ZPLD1: variants seen among roughly 807,000 people sequenced by gnomAD.
ZPLD1 encodes the protein zona pellucida like domain containing 1, also known as zona pellucida-like domain-containing protein 1.
In ZPLD1, 34 loss-of-function variants were observed where a neutral mutation model predicts 47.2. The observed-to-expected ratio is 0.72, with a 90% CI of 0.55 to 0.96. The LOEUF (loss-of-function observed/expected upper bound fraction) is 0.96, where lower values mean the gene tolerates loss of function less well. Ranked by LOEUF, ZPLD1 falls within the 40% of genes least tolerant of loss-of-function variation. The pLI, the probability that ZPLD1 is intolerant of heterozygous loss-of-function variation, is 0.00. For missense variants in ZPLD1, 512 were observed against 505.8 expected (o/e 1.01, Z -0.12); for synonymous variants, 176 against 186.2 (o/e 0.95, Z 0.45).
At chr3:102,417,057 C>T (rs529447408) in intron 7 of ZPLD1, among the ~76,000 whole-genome samples, 75 of 151,968 alleles carry the variant, frequency 4.9e-4, no homozygotes, top group African/African-American at 1.4e-3. Context: ...AATCTCAGTT[C>T]GCAGTAACCA....
intron 7 of ZPLD1, 30 bp downstream of exon 7, chr3:102,462,408 T>A (rs1375596383): frequency 2.0e-6 from 3 of 1,490,916 alleles, no homozygotes; most frequent in African/African-American, 1.4e-5. Context: ...TTTTTTAGGT[T>A]AAAACTCTTT....
chr3:102,476,699 A>C (rs1424351562), intron 10 of ZPLD1, among the ~76,000 whole-genome samples: 1 of 152,162 alleles, frequency 6.6e-6, no homozygotes, highest in African/African-American at 2.4e-5. Flanking sequence ...GCTAATGATG[A>C]AACAAAGTTG....
At position 102,477,473 on chromosome 3, in the gene ZPLD1, A is replaced by ACTGG; in HGVS notation, c.1104_1105insTGGC (p.Ala369TrpfsTer48). On this transcript the variant is annotated frameshift_variant, in exon 12 of 12. Transcript: ENST00000466937. LOFTEE classifies it high-confidence loss of function. ...CCAAGTATGCCTCCCTTCCAGCTGA[A>ACTGG]CGCCATCACCAGCGCACTGATATCA... 1 of 1,613,176 alleles carries ACTGG rather than the reference A, an allele frequency of 6.2e-7. No homozygotes were observed. The highest frequency in any genetic ancestry group is 8.5e-7 in the Non-Finnish European group (1 of 1,179,570).
rs144244933 is a variant in ZPLD1 at position 102,477,666 on chromosome 3, T to C, written c.*48T>C. On this transcript the variant is annotated 3_prime_UTR_variant, in exon 12 of 12. Coordinates refer to ENST00000466937, the MANE Select transcript of ZPLD1 (RefSeq NM_001329788.2). ...GGAGAAGGCTTCACTGACTAAACTA[T>C]GTGTGACTGCAGTCAGTGTTCCGTC... 1.5e-3 allele frequency: 2,259 copies of C among 1,498,224 alleles called. 34 individuals are homozygous for C. In the African/African-American group the frequency reaches 0.029, roughly 19 times the overall value. The allele number at this position is 1,498,224 out of a possible 1,614,324, so 92.8% of individuals were successfully genotyped here. A position where few individuals can be genotyped will look rare whatever the true frequency, so the allele number is the denominator to read the frequency against.
At chr3:102,476,531 G>A (rs1309386773) in intron 10 of ZPLD1, among the ~76,000 whole-genome samples, 3 of 152,094 alleles carry the variant, frequency 2.0e-5, no homozygotes, top group African/African-American at 7.2e-5. Flanking sequence ...TTAAAATGAT[G>A]TGTTTGCAGA....
intron 9 of ZPLD1, among the ~76,000 whole-genome samples, chr3:102,469,532 C>T (rs1366200641): frequency 1.3e-5 from 2 of 152,178 alleles, no homozygotes; most frequent in Non-Finnish European, 2.9e-5. Flanking sequence ...CCAGCTGTTA[C>T]TTCGAAGAGG....
rs138954799 is a variant in ZPLD1 at position 102,468,987 on chromosome 3, C to A, written c.785C>A (p.Thr262Asn). The A allele has an allele frequency of 5.0e-6, 8 of 1,613,794 alleles. No individual in the cohort carries two copies. Among genetic ancestry groups the A allele is most frequent in the Non-Finnish European group, 6.8e-6 (8 of 1,179,848 alleles). ...AGCTGTGACAAGGACCCTCAGACCA[C>A]CGTCATTGAGAATGGCCGAAGCCAG... ...FLSCDKDPQT[T>N]VIENGRSQRG... Residue 262 changes from threonine to asparagine, a missense_variant, in exon 9 of 12, where the codon ACC becomes AAC. By Grantham distance (65) the Thr-to-Asn change is moderately conservative (BLOSUM62 0). Coordinates refer to ENST00000466937, the MANE Select transcript of ZPLD1 (RefSeq NM_001329788.2).
chr3:102,398,138 T>A (rs1390077382), intron 7 of ZPLD1, among the ~76,000 whole-genome samples: 9 of 152,034 alleles, frequency 5.9e-5, no homozygotes, highest in Non-Finnish European at 1.0e-4. Flanking sequence ...TTAGAAAAAA[T>A]TGAAAATTAA....
intron 7 of ZPLD1, among the ~76,000 whole-genome samples, chr3:102,400,313 A>C (rs1025277094): frequency 3.9e-5 from 6 of 151,988 alleles, no homozygotes; most frequent in South Asian, 2.1e-4. Context: ...TTATGTAGGA[A>C]ATTTTATGTT....
At chr3:102,446,535 T>C (rs762013972) in intron 3 of ZPLD1, among the ~76,000 whole-genome samples, 2 of 152,164 alleles carry the variant, frequency 1.3e-5, no homozygotes, top group Non-Finnish European at 2.9e-5. Flanking sequence ...ATGTCTCATA[T>C]GTAACTCAGC....
intron 3 of ZPLD1, among the ~76,000 whole-genome samples, chr3:102,440,279 A>G (rs1391443040): frequency 6.6e-6 from 1 of 152,204 alleles, no homozygotes; most frequent in Non-Finnish European, 1.5e-5. Flanking sequence ...AAGTTAGAAT[A>G]GACTAGAGGC....
chr3:102,449,392 C>A (rs62272482), intron 3 of ZPLD1, among the ~76,000 whole-genome samples: 18,663 of 152,262 alleles, frequency 0.12, 1,281 homozygotes, highest in Middle Eastern at 0.18. Flanking sequence ...CCTTTATCTG[C>A]AGTTTCATTT....
intron 10 of ZPLD1, among the ~76,000 whole-genome samples, chr3:102,473,785 T>C (rs1707719036): frequency 6.6e-6 from 1 of 152,186 alleles, no homozygotes; most frequent in Admixed American, 6.5e-5. Flanking sequence ...GCAAATCCTG[T>C]GCAAACTTCA....
Position 102,436,987 on chromosome 3 carries a change from A to G in ZPLD1, c.-9+14A>G, listed in dbSNP as rs923051862. Reference sequence around the variant, plus strand: ...CATGGAATAAATGTGGGTGCAGTGGAGTGTATTGCTTATTCAGGCTTCTTT... The same window carrying G: ...CATGGAATAAATGTGGGTGCAGTGGGGTGTATTGCTTATTCAGGCTTCTTT... On this transcript the variant is annotated intron_variant, in intron 2 of 11. Transcript: ENST00000466937. 2.4e-5 allele frequency: 23 copies of G among 958,960 alleles called. No individual in the cohort carries two copies. The highest frequency in any genetic ancestry group is 2.9e-5 in the Non-Finnish European group (23 of 805,746). 59.4% of individuals were successfully genotyped at this position (958,960 alleles called of 1,614,324 possible). A position where few individuals can be genotyped will look rare whatever the true frequency, so the allele number is the denominator to read the frequency against.
chr3:102,456,917 A>T (rs1408556379), intron 5 of ZPLD1, among the ~76,000 whole-genome samples: 1 of 152,204 alleles, frequency 6.6e-6, no homozygotes, highest in African/African-American at 2.4e-5. Context: ...CATGGCCTTT[A>T]GGCAAGGAGC....
At position 102,477,543 on chromosome 3, in the gene ZPLD1, C is replaced by G. The variant is rs776881701; in HGVS notation, c.1173C>G (p.Cys391Trp). ...TTACGAGCTTTTCTCTTCTTCTGTG[C>G]TCACTGGCCCTTCTGCACAGGAAGG... Reference protein sequence around the residue: ...LGVTSFSLLLCSLALLHRKGP... With the variant: ...LGVTSFSLLLWSLALLHRKGP... The change falls in exon 12 of 12, where the codon TGC (cysteine) becomes TGG (tryptophan). Residue 391 changes from cysteine to tryptophan, a missense_variant. Transcript: ENST00000466937. 2.0e-5 allele frequency: 32 copies of G among 1,613,692 alleles called. No homozygotes were observed. Among genetic ancestry groups the G allele is most frequent in the Non-Finnish European group, 2.6e-5 (31 of 1,179,776 alleles).
chr3:102,420,742 A>C lies in ZPLD1; in HGVS notation c.-9+2535A>C, dbSNP rs559264400. On this transcript the variant is annotated intron_variant, in intron 8 of 17. Transcript: ENST00000491959. ...TTTACATTTTAATTTTCTGGAACTC[A>C]CAATAAGATATCCTAGAACATGAAG... 2.8e-4 allele frequency among the ~76,000 whole-genome samples: 42 copies of C among 152,004 alleles called. 1 individual carries two copies. Among genetic ancestry groups the C allele is most frequent in the South Asian group, 2.7e-3 (13 of 4,824 alleles).
chr3:102,435,359 C>T (rs544517580), intron 1 of ZPLD1, among the ~76,000 whole-genome samples: 3 of 152,258 alleles, frequency 2.0e-5, no homozygotes, highest in African/African-American at 7.2e-5. Context: ...CACAGATCAG[C>T]ACAAATATCA....
At chr3:102,459,089 CAAAAAAAAAAAA>C (rs767071660) in intron 6 of ZPLD1, among the ~76,000 whole-genome samples, 8 of 25,842 alleles carry the variant, frequency 3.1e-4, no homozygotes, top group Admixed American at 2.8e-3. Flanking sequence ...GACTCCGTCT[CAAAAAAAAAAAA>C]AAAAAAAAAA....
Sources: allele counts gnomAD v4.1 joint callset (sites outside exome capture counted in the v4.1 genomes callset), GRCh38; gene constraint gnomAD v4.1.1; transcripts MANE v1.5; gene names NCBI Gene and HGNC (gene_info 2026-07-23, HGNC 2026-07-21).